TRAK1: variants seen among roughly 807,000 people sequenced by gnomAD.
TRAK1 encodes the protein trafficking kinesin-binding protein 1.
A neutral mutation model predicts 92.1 loss-of-function variants in TRAK1; 33 were observed. The observed-to-expected ratio is 0.36, with a 90% CI of 0.27 to 0.48. The LOEUF is 0.48. Among genes scored for constraint, TRAK1 ranks in the 20% least tolerant of loss-of-function variants. The probability of loss-of-function intolerance (pLI) is 0.99; values close to 1 mark genes in which losing one functional copy is unlikely to be tolerated. For missense variants in TRAK1, 1,123 were observed against 1,257.9 expected, an observed-to-expected ratio of 0.89 and a Z score of 1.62; for synonymous variants, 521 against 517.3, an observed-to-expected ratio of 1.01 and a Z score of -0.10.
intron 1 of TRAK1, among the ~76,000 whole-genome samples, chr3:42,098,505 C>T (rs139764914): frequency 1.6e-3 from 239 of 152,188 alleles, no homozygotes; most frequent in Non-Finnish European, 2.8e-3. Context: ...ATATCAATAA[C>T]GTGAAGCAGG....
chr3:42,223,184 C>G lies in TRAK1; in HGVS notation c.2309C>G (p.Ser770Cys). The change falls in exon 16 of 16, where the codon TCC becomes TGC. Residue 770 changes from serine to cysteine, a missense_variant. Ser to Cys is a moderately radical substitution (Grantham distance 112). This residue lies in a region of TRAK1 where 401 missense variants were observed against 438.9 expected (regional missense o/e 0.91). Coordinates refer to ENST00000327628, the MANE Select transcript of TRAK1 (RefSeq NM_001042646.3). The surrounding 1 kb of genome is among the most constrained non-coding windows in gnomAD (Gnocchi z 6.1). ...GCCGGCCGGGGCTCCCTCCTGCACT[C>G]CTACACGCCCAAGATGGCTGTGATC... ...DRAGRGSLLH[S>C]YTPKMAVIPS... 6.2e-7 allele frequency: 1 copy of G among 1,614,122 alleles called. No individual in the cohort carries two copies. Among genetic ancestry groups the G allele is most frequent in the Non-Finnish European group, 8.5e-7 (1 of 1,180,004 alleles).
chr3:42,201,354 G>C (rs956178194), intron 12 of TRAK1, among the ~76,000 whole-genome samples: 14 of 152,094 alleles, frequency 9.2e-5, no homozygotes, highest in African/African-American at 3.4e-4. Context: ...CAGCTACTCA[G>C]GAGGCTGAGG....
intron 1 of TRAK1, among the ~76,000 whole-genome samples, chr3:42,108,492 TAAA>T (rs10578367): frequency 0.012 from 1,494 of 120,196 alleles, 25 homozygotes; most frequent in African/African-American, 0.04. Flanking sequence ...ACCCTGCCTT[TAAA>T]AAAAAAAAAA....
intron 1 of TRAK1, among the ~76,000 whole-genome samples, chr3:42,120,911 T>C (rs1559794332): frequency 6.6e-6 from 1 of 152,208 alleles, no homozygotes; most frequent in Non-Finnish European, 1.5e-5. Context: ...TTATGTTTCA[T>C]TTTACATGCC....
chr3:42,202,902 G>A lies in TRAK1; in HGVS notation c.1744+150G>A. 3 of 1,447,540 alleles carry A rather than the reference G, an allele frequency of 2.1e-6. No homozygotes were observed. The highest frequency in any genetic ancestry group is 2.7e-6 in the Non-Finnish European group (3 of 1,098,724). 89.7% of individuals were successfully genotyped at this position (1,447,540 alleles called of 1,614,324 possible). A position where few individuals can be genotyped will look rare whatever the true frequency, so the allele number is the denominator to read the frequency against. On this transcript the variant is annotated intron_variant, in intron 13 of 15. Coordinates refer to ENST00000327628, the MANE Select transcript of TRAK1 (RefSeq NM_001042646.3). This position sits in a 1 kb window ranked among gnomAD's most constrained non-coding sequence, Gnocchi z 6.1. ...GCGCTGCTGGTTTGAGTTCCTCTGA[G>A]GGTGGTGCTCAGCCTAGGCCTCCGT...
chr3:42,050,885 T>C (rs1031752237), intron 1 of TRAK1, among the ~76,000 whole-genome samples: 4 of 152,152 alleles, frequency 2.6e-5, no homozygotes, highest in Non-Finnish European at 5.9e-5. Context: ...CATTATTATA[T>C]CTTTTAAAAA....
intron 1 of TRAK1, among the ~76,000 whole-genome samples, chr3:42,106,119 C>T (rs1284179956): frequency 1.3e-5 from 2 of 152,172 alleles, no homozygotes; most frequent in Non-Finnish European, 2.9e-5. Flanking sequence ...AACTAACGAG[C>T]AAAATAACCA....
intron 1 of TRAK1, among the ~76,000 whole-genome samples, chr3:42,112,135 C>CTTTTT (rs1223261204): frequency 6.1e-4 from 43 of 71,046 alleles, no homozygotes; most frequent in South Asian, 8.2e-4. Context: ...TCAGCTCTTA[C>CTTTTT]TTTTTTTTTT....
intron 1 of TRAK1, among the ~76,000 whole-genome samples, chr3:42,022,225 C>T (rs187220812): frequency 3.9e-5 from 6 of 152,200 alleles, no homozygotes; most frequent in Non-Finnish European, 8.8e-5. Flanking sequence ...CAAGACATTC[C>T]AAAGGTCTCT....
intron 8 of TRAK1, 84 bp downstream of exon 8, chr3:42,193,289 C>T: frequency 6.4e-7 from 1 of 1,554,288 alleles, no homozygotes; most frequent in Non-Finnish European, 8.7e-7. Context: ...AGACAGTGCT[C>T]TTTAGTTTCA....
At chr3:42,084,431 A>T (rs554467567), upstream of TRAK1, among the ~76,000 whole-genome samples, 139 of 152,308 alleles carry the variant, frequency 9.1e-4, no homozygotes, top group African/African-American at 3.1e-3. Context: ...CCATATTTTT[A>T]AAAAAGTGTA....
chr3:42,086,374 C>T (rs960658506), upstream of TRAK1, among the ~76,000 whole-genome samples: 1 of 149,080 alleles, frequency 6.7e-6, no homozygotes, highest in African/African-American at 2.6e-5. Flanking sequence ...GGCATGATCT[C>T]AGCTCACTGC....
Position 42,189,050 on chromosome 3 carries a change from A to T in TRAK1, c.616A>T (p.Asn206Tyr). 1 of 1,614,108 alleles carries T rather than the reference A, an allele frequency of 6.2e-7. No individual in the cohort carries two copies. The highest frequency in any genetic ancestry group is 8.5e-7 in the Non-Finnish European group (1 of 1,179,978). Reference protein sequence around the residue: ...KRNESSSSVQNYFHLDSLQKK... With the variant: ...KRNESSSSVQYYFHLDSLQKK... Reference sequence around the variant, plus strand: ...GAATGAGTCGTCCTCCTCAGTCCAGAATTACTTTCATTTGGATTCTCTTCA... The same window carrying T: ...GAATGAGTCGTCCTCCTCAGTCCAGTATTACTTTCATTTGGATTCTCTTCA... Residue 206 changes from asparagine (N) to tyrosine (Y), a missense_variant, in exon 6 of 16, where the codon AAT (asparagine) becomes TAT (tyrosine). Coordinates refer to ENST00000327628, the MANE Select transcript of TRAK1 (RefSeq NM_001042646.3).
intron 1 of TRAK1, among the ~76,000 whole-genome samples, chr3:42,080,484 CAG>C (rs1184666847): frequency 6.6e-6 from 1 of 152,184 alleles, no homozygotes; most frequent in African/African-American, 2.4e-5. Flanking sequence ...GTAAACTAAA[CAG>C]AGGCGCTTTC....
At chr3:42,154,984 T>C (rs537526433) in intron 2 of TRAK1, among the ~76,000 whole-genome samples, 1 of 152,134 alleles carries the variant, frequency 6.6e-6, no homozygotes, top group South Asian at 2.1e-4. Context: ...AAAAACTTTA[T>C]GCCTCTACCC....
chr3:42,160,095 A>AC, intron 2 of TRAK1: 4 of 609,416 alleles, frequency 6.6e-6, no homozygotes, highest in Non-Finnish European at 8.9e-6. Context: ...GGGCATTCCC[A>AC]CCCCGCCAAG....
intron 1 of TRAK1, among the ~76,000 whole-genome samples, chr3:42,122,375 C>T (rs148842063): frequency 1.7e-3 from 258 of 150,920 alleles, no homozygotes; most frequent in Non-Finnish European, 3.1e-3. Flanking sequence ...CTGTTGCCTT[C>T]CCCACCACCA....
chr3:42,138,888 TG>T (rs1698312072), intron 2 of TRAK1, among the ~76,000 whole-genome samples: 4 of 138,182 alleles, frequency 2.9e-5, no homozygotes, highest in South Asian at 4.6e-4. Context: ...TGTGTGTGTG[TG>T]TGTGTGTGTG....
intron 2 of TRAK1, among the ~76,000 whole-genome samples, chr3:42,145,482 C>T (rs1699207691): frequency 1.5e-5 from 2 of 134,184 alleles, no homozygotes; most frequent in African/African-American, 5.8e-5. Flanking sequence ...GAGACTCTGT[C>T]TCAAAAAAAA....
Sources: allele counts gnomAD v4.1 joint callset (sites outside exome capture counted in the v4.1 genomes callset), GRCh38; gene constraint gnomAD v4.1.1; regional missense constraint gnomAD v4.1.1; non-coding constraint Gnocchi (gnomAD v3.1); transcripts MANE v1.5; gene names NCBI Gene and HGNC (gene_info 2026-07-23, HGNC 2026-07-21).